The following SORCS2 variants were observed in gnomAD, a reference collection of about 807,000 sequenced individuals.
SORCS2 encodes the protein sortilin related VPS10 domain containing receptor 2, also known as VPS10 domain-containing receptor SorCS2.
In SORCS2, 100 loss-of-function variants were observed where a neutral mutation model predicts 141.6. The ratio of observed to expected loss-of-function variants is 0.71; its 90% confidence interval spans 0.60 to 0.83. SORCS2 has a LOEUF of 0.83. Among genes scored for constraint, SORCS2 ranks in the 40% least tolerant of loss-of-function variants. SORCS2 has a pLI of 0.00. For missense variants in SORCS2, 1,646 were observed against 1,560.2 expected (o/e 1.05, Z -0.93); for synonymous variants, 789 against 676.9 (o/e 1.17, Z -2.57).
chr4:7,665,500 C>T (rs1250392297), intron 7 of SORCS2, among the ~76,000 whole-genome samples: 2 of 152,180 alleles, frequency 1.3e-5, no homozygotes, highest in African/African-American at 4.8e-5. Context: ...GATTCCTGCT[C>T]CTTCTCAAAG....
At chr4:7,550,849 C>T (rs1159164939) in intron 3 of SORCS2, among the ~76,000 whole-genome samples, 1 of 152,222 alleles carries the variant, frequency 6.6e-6, no homozygotes, top group East Asian at 1.9e-4. Context: ...GTGTCCAAGT[C>T]TCTGAGCCCT....
At chr4:7,241,914 G>A (rs757339879) in intron 1 of SORCS2, among the ~76,000 whole-genome samples, 2 of 152,206 alleles carry the variant, frequency 1.3e-5, no homozygotes, top group African/African-American at 2.4e-5. Flanking sequence ...CGTCTACTCC[G>A]TGCCTGGCAG....
At chr4:7,365,093 T>C (rs1180829594) in intron 1 of SORCS2, among the ~76,000 whole-genome samples, 1 of 152,250 alleles carries the variant, frequency 6.6e-6, no homozygotes, top group Non-Finnish European at 1.5e-5. Context: ...CAAGGGTTCT[T>C]AGCGTTAGCT....
At chr4:7,542,814 C>A (rs778094242) in intron 3 of SORCS2, among the ~76,000 whole-genome samples, 7 of 152,238 alleles carry the variant, frequency 4.6e-5, no homozygotes, top group Non-Finnish European at 1.0e-4. Context: ...GAGTAATTTG[C>A]TCAGGGTGGG....
intron 1 of SORCS2, among the ~76,000 whole-genome samples, chr4:7,387,887 CACAG>C (rs1723546118): frequency 2.5e-5 from 2 of 79,344 alleles, no homozygotes; most frequent in Non-Finnish European, 5.0e-5. Flanking sequence ...CAGATGCACA[CACAG>C]GCACACAGAG....
At chr4:7,223,773 C>T (rs1728847538) in intron 1 of SORCS2, among the ~76,000 whole-genome samples, 1 of 152,172 alleles carries the variant, frequency 6.6e-6, no homozygotes, top group Non-Finnish European at 1.5e-5. Context: ...TGGGAAGATG[C>T]CTGGTCTGGC....
chr4:7,273,353 C>T (rs545295635), intron 1 of SORCS2, among the ~76,000 whole-genome samples: 2 of 152,246 alleles, frequency 1.3e-5, no homozygotes, highest in East Asian at 1.9e-4. Context: ...ATCCTTGTCT[C>T]GGTCCTCCCT....
intron 1 of SORCS2, among the ~76,000 whole-genome samples, chr4:7,364,637 C>A (rs1721773851): frequency 6.6e-6 from 1 of 152,140 alleles, no homozygotes; most frequent in African/African-American, 2.4e-5. Flanking sequence ...TTGTTCATTT[C>A]CCTCCACAAA....
chr4:7,194,859 A>G (rs568559412), intron 1 of SORCS2, among the ~76,000 whole-genome samples: 1 of 152,132 alleles, frequency 6.6e-6, no homozygotes, highest in African/African-American at 2.4e-5. Flanking sequence ...CTAATCCCCT[A>G]CCCCATCTGC....
chr4:7,410,725 A>G (rs1414714246), intron 2 of SORCS2, among the ~76,000 whole-genome samples: 4 of 152,162 alleles, frequency 2.6e-5, no homozygotes, highest in Admixed American at 1.3e-4. Flanking sequence ...GTCACAGCAG[A>G]TAGGGATTGA....
chr4:7,634,987 C>G (rs1720149187), intron 3 of SORCS2, among the ~76,000 whole-genome samples: 1 of 152,234 alleles, frequency 6.6e-6, no homozygotes, highest in South Asian at 2.1e-4. Context: ...AGTCCCCAGA[C>G]TGCCCCAGCC....
intron 3 of SORCS2, among the ~76,000 whole-genome samples, chr4:7,585,061 G>A (rs1267284440): frequency 1.3e-5 from 2 of 152,232 alleles, no homozygotes; most frequent in African/African-American, 4.8e-5. Flanking sequence ...ACATGTCAGA[G>A]TCTCAGAAAT....
intron 2 of SORCS2, among the ~76,000 whole-genome samples, chr4:7,439,210 G>A (rs893913069): frequency 6.6e-6 from 1 of 152,008 alleles, no homozygotes; most frequent in African/African-American, 2.4e-5. Flanking sequence ...AAACACACAC[G>A]TGTGTATATG....
At chr4:7,241,584 C>A (rs2108791500) in intron 1 of SORCS2, among the ~76,000 whole-genome samples, 1 of 152,250 alleles carries the variant, frequency 6.6e-6, no homozygotes, top group Non-Finnish European at 1.5e-5. Context: ...CCCTCCCTGC[C>A]CTTCTGGGGT....
chr4:7,705,902 C>T lies in SORCS2; in HGVS notation c.1868+1618C>T, dbSNP rs78926934. 5.8e-3 allele frequency among the ~76,000 whole-genome samples: 881 copies of T among 152,386 alleles called. 5 individuals are homozygous for T. The highest frequency in any genetic ancestry group is 0.02 in the African/African-American group (825 of 41,594). On this transcript the variant is annotated intron_variant, in intron 14 of 26. Transcript: ENST00000507866. ...AGCAGGCGCACAGCTCCCAGGAGGC[C>T]ACGGGAGGACAGCTCCAGGCTGTGG...
intron 10 of SORCS2, among the ~76,000 whole-genome samples, chr4:7,685,636 A>T (rs1362287698): frequency 6.6e-6 from 1 of 151,942 alleles, no homozygotes; most frequent in Non-Finnish European, 1.5e-5. Context: ...GTGCCACTGC[A>T]CTCTAGCCTG....
chr4:7,661,775 A>G (rs992232754), intron 6 of SORCS2, among the ~76,000 whole-genome samples: 1 of 152,172 alleles, frequency 6.6e-6, no homozygotes, highest in African/African-American at 2.4e-5. Context: ...GGAAAAGTCT[A>G]TTAAGGGGGC....
intron 2 of SORCS2, among the ~76,000 whole-genome samples, chr4:7,516,995 C>T (rs1203581705): frequency 2.0e-5 from 3 of 152,150 alleles, no homozygotes; most frequent in Admixed American, 6.5e-5. Context: ...GCTAGTCCTC[C>T]GGCTGGGTGT....
intron 4 of SORCS2, among the ~76,000 whole-genome samples, chr4:7,647,155 G>A (rs1403800888): frequency 6.6e-6 from 1 of 152,182 alleles, no homozygotes; most frequent in Admixed American, 6.5e-5. Flanking sequence ...GGAGGTGAGA[G>A]AGCAAAATGA....
Sources: gnomAD v4.1 joint callset for allele counts (sites outside exome capture counted in the v4.1 genomes callset) on GRCh38, gnomAD v4.1.1 for gene constraint, MANE v1.5 for transcripts, NCBI Gene and HGNC (gene_info 2026-07-23, HGNC 2026-07-21) for gene names.